The following C2orf80 variants were observed in gnomAD, a reference collection of about 807,000 sequenced individuals.
The protein encoded by C2orf80 is chromosome 2 open reading frame 80, also known as uncharacterized protein C2orf80.
In C2orf80, 28 loss-of-function variants were observed where a neutral mutation model predicts 30.2. The observed-to-expected ratio is 0.93, with a 90% CI of 0.69 to 1.27. The LOEUF (loss-of-function observed/expected upper bound fraction) is 1.27. Among genes scored for constraint, C2orf80 ranks in the 50% most tolerant of loss-of-function variants. The pLI, the probability that C2orf80 is intolerant of heterozygous loss-of-function variation, is 0.00. For synonymous variants in C2orf80, 80 were observed against 76.4 expected (o/e 1.05, Z -0.24); for missense variants, 220 against 231.0 (o/e 0.95, Z 0.31).
intron 8 of C2orf80, among the ~76,000 whole-genome samples, chr2:208,169,712 C>CAA (rs9288388): frequency 1.3e-4 from 15 of 112,444 alleles, no homozygotes; most frequent in African/African-American, 5.0e-4. Context: ...GACTCTGTCT[C>CAA]AAAAAAAAAA....
At chr2:208,179,520 C>A (rs984790933) in intron 6 of C2orf80, among the ~76,000 whole-genome samples, 32 of 152,200 alleles carry the variant, frequency 2.1e-4, no homozygotes, top group Admixed American at 1.5e-3. Flanking sequence ...CCCTTCCCCC[C>A]TCCCACTGCA....
Position 208,180,784 on chromosome 2 carries a change from A to C in C2orf80, c.327T>G (p.Ile109Met), listed in dbSNP as rs201847370. 443 of 1,613,618 alleles carry C rather than the reference A, an allele frequency of 2.7e-4. No individual in the cohort carries two copies. The highest frequency in any genetic ancestry group is 3.0e-4 in the Non-Finnish European group (355 of 1,179,806). Residue 109 changes from isoleucine to methionine, a missense_variant, in exon 6 of 9, where the codon ATT becomes ATG. Physicochemically the swap from Ile to Met is conservative, Grantham distance 10. Transcript: ENST00000341287. ...NSIPIEEVFK[I>M]YGADSSADSG... ...AATCGGCAGAAGAATCAGCCCCATA[A>C]ATTTTAAAGACTTCCTCAATCGGGA...
At position 208,176,999 on chromosome 2, in the gene C2orf80, A is replaced by ATATACAGAAATGTATATG. The variant is rs1559340766; in HGVS notation, c.366+3745_366+3746insCATATACATTTCTGTATA. Among the ~76,000 whole-genome samples the ATATACAGAAATGTATATG allele has an allele frequency of 3.0e-3, 132 of 44,656 alleles. 25 individuals are homozygous for ATATACAGAAATGTATATG. The highest frequency in any genetic ancestry group is 0.033 in the Middle Eastern group (2 of 60). The allele number at this position is 44,656 out of a possible 152,430, so 29.3% of individuals were successfully genotyped here. Reference sequence around the variant, plus strand: ...TATACAGAAATGTATATGTATACATATATACATATATACAGATACATATAT... The same window carrying ATATACAGAAATGTATATG: ...TATACAGAAATGTATATGTATACATATATACAGAAATGTATATGTATACATATATACAGATACATATAT... On this transcript the variant is annotated intron_variant, in intron 6 of 8. Transcript: ENST00000341287.
intron 6 of C2orf80, among the ~76,000 whole-genome samples, chr2:208,178,563 G>A (rs777008393): frequency 6.6e-6 from 1 of 152,080 alleles, no homozygotes; most frequent in Non-Finnish European, 1.5e-5. Context: ...CGTCAGGCCT[G>A]GGGTGGCTTA....
At chr2:208,180,436 T>A (rs1407562999) in intron 6 of C2orf80, among the ~76,000 whole-genome samples, 2 of 148,400 alleles carry the variant, frequency 1.3e-5, no homozygotes, top group African/African-American at 5.1e-5. Flanking sequence ...GGTGACAGAG[T>A]GAGACTCTGT....
intron 1 of C2orf80, among the ~76,000 whole-genome samples, chr2:208,188,997 G>A (rs1346013985): frequency 1.3e-5 from 2 of 152,128 alleles, no homozygotes; most frequent in East Asian, 1.9e-4. Context: ...GTGGCTGTGC[G>A]TCTTCTGCTT....
intron 3 of C2orf80, among the ~76,000 whole-genome samples, chr2:208,183,486 G>T (rs996021852): frequency 6.6e-6 from 1 of 152,114 alleles, no homozygotes; most frequent in South Asian, 2.1e-4. Context: ...AAGGGTGGGG[G>T]AACAGGGCTG....
At chr2:208,183,668 G>A (rs936793621) in intron 3 of C2orf80, among the ~76,000 whole-genome samples, 6 of 152,066 alleles carry the variant, frequency 3.9e-5, no homozygotes, top group Non-Finnish European at 7.4e-5. Flanking sequence ...GGGGCTTGTG[G>A]GATGAGAATG....
intron 8 of C2orf80, among the ~76,000 whole-genome samples, chr2:208,170,001 T>C (rs1696043511): frequency 6.6e-6 from 1 of 152,136 alleles, no homozygotes; most frequent in Admixed American, 6.5e-5. Flanking sequence ...CCTCATGTAG[T>C]CCAGTCTATT....
At chr2:208,176,283 C>G (rs1416979124) in intron 6 of C2orf80, among the ~76,000 whole-genome samples, 1 of 152,104 alleles carries the variant, frequency 6.6e-6, no homozygotes, top group Admixed American at 6.5e-5. Context: ...TCCAGCAATT[C>G]CCCTGCCTCA....
At chr2:208,172,176 T>C in intron 6 of C2orf80, 101 bp from the exon 7 acceptor site, 2 of 903,936 alleles carry the variant, frequency 2.2e-6, no homozygotes, top group Non-Finnish European at 3.7e-6. Flanking sequence ...TCAGAATCCT[T>C]GAGTCCAATT....
intron 6 of C2orf80, among the ~76,000 whole-genome samples, chr2:208,172,572 T>C (rs1696137312): frequency 6.6e-6 from 1 of 152,188 alleles, no homozygotes; most frequent in Non-Finnish European, 1.5e-5. Flanking sequence ...AGTTGTCCAT[T>C]GGTAATCAGG....
At chr2:208,189,929 A>G in intron 1 of C2orf80, 24 bp downstream of exon 1, 1 of 702,870 alleles carries the variant, frequency 1.4e-6, no homozygotes, top group Middle Eastern at 2.3e-4. Context: ...GCTCTTAACA[A>G]ATTCCCCTTT....
chr2:208,179,223 G>C (rs1403882955), intron 6 of C2orf80, among the ~76,000 whole-genome samples: 2 of 152,216 alleles, frequency 1.3e-5, no homozygotes, highest in African/African-American at 4.8e-5. Flanking sequence ...TTTTCACAAT[G>C]ATCAAGGGCA....
intron 2 of C2orf80, among the ~76,000 whole-genome samples, chr2:208,185,784 G>C (rs994204629): frequency 1.3e-5 from 2 of 152,124 alleles, no homozygotes; most frequent in Non-Finnish European, 2.9e-5. Flanking sequence ...TAACTAGATT[G>C]ATAAAAATTC....
intron 6 of C2orf80, 111 bp downstream of exon 6, chr2:208,180,634 G>T: frequency 1.2e-6 from 1 of 840,230 alleles, no homozygotes; most frequent in Non-Finnish European, 1.9e-6. Flanking sequence ...ACATTTTGAT[G>T]TAAAACTGTT....
intron 8 of C2orf80, among the ~76,000 whole-genome samples, chr2:208,169,484 C>A (rs1276024170): frequency 6.6e-6 from 1 of 151,950 alleles, no homozygotes; most frequent in Admixed American, 6.6e-5. Context: ...GTAATCCCAG[C>A]ACTTTGGGGG....
In C2orf80 at chr2:208,176,907, G is replaced by GTGTATACAGATCTGTATACATA. The variant is rs1696326821; in HGVS notation, c.366+3837_366+3838insTATGTATACAGATCTGTATACA. 1.1e-3 allele frequency among the ~76,000 whole-genome samples: 11 copies of GTGTATACAGATCTGTATACATA among 10,132 alleles called. 1 individual carries two copies. Among genetic ancestry groups the GTGTATACAGATCTGTATACATA allele is most frequent in the African/African-American group, 1.4e-3 (7 of 4,992 alleles). The allele number at this position is 10,132 out of a possible 152,430, so 6.6% of individuals were successfully genotyped here. A position where few individuals can be genotyped will look rare whatever the true frequency, so the allele number is the denominator to read the frequency against. ...CATAGGTGTATATATATACATATCTGTGTATACATATCTGTATACATATGT... is the reference window on the plus strand; with the variant it reads ...CATAGGTGTATATATATACATATCTGTGTATACAGATCTGTATACATATGTATACATATCTGTATACATATGT... On this transcript the variant is annotated intron_variant, in intron 6 of 8. Transcript: ENST00000341287.
chr2:208,167,447 G>A (rs181293181), intron 8 of C2orf80, among the ~76,000 whole-genome samples: 7 of 151,682 alleles, frequency 4.6e-5, no homozygotes, highest in Admixed American at 2.6e-4. Context: ...GCTTAAACCC[G>A]GGAAGCAGAG....
Sources: allele counts gnomAD v4.1 joint callset (sites outside exome capture counted in the v4.1 genomes callset), GRCh38; gene constraint gnomAD v4.1.1; transcripts MANE v1.5; gene names NCBI Gene and HGNC (gene_info 2026-07-23, HGNC 2026-07-21).